Variants in MAST4 observed in about 807,000 individuals in gnomAD.
The protein encoded by MAST4 is microtubule associated serine/threonine kinase family member 4, also known as microtubule-associated serine/threonine-protein kinase 4.
A neutral mutation model predicts 162.7 loss-of-function variants in MAST4; 89 were observed. That is an observed-to-expected ratio of 0.55 (90% CI 0.46 to 0.65). The LOEUF (loss-of-function observed/expected upper bound fraction) is 0.65. MAST4 is among the 30% of genes least tolerant of loss of function. The pLI is 0.00. For missense variants in MAST4, 3,153 were observed against 3,374.0 expected (o/e 0.93, Z 1.62); for synonymous variants, 1,479 against 1,361.1 (o/e 1.09, Z -1.91).
chr5:66,822,283 G>A (rs1296602645), intron 3 of MAST4, among the ~76,000 whole-genome samples: 1 of 152,088 alleles, frequency 6.6e-6, no homozygotes, highest in Non-Finnish European at 1.5e-5. Flanking sequence ...GAGCAGCCTT[G>A]CCCTGAGTCA....
rs960485776 is a variant in MAST4, at chr5:66,596,922, G to C, written c.267G>C (p.Glu89Asp). 2 of 1,327,268 alleles carry C rather than the reference G, an allele frequency of 1.5e-6. No homozygotes were observed. Among genetic ancestry groups the C allele is most frequent in the Non-Finnish European group, 1.9e-6 (2 of 1,038,664 alleles). 82.2% of individuals were successfully genotyped at this position (1,327,268 alleles called of 1,614,324 possible). ...GGGCTCCGGCAAGCGTGCTGCTGGA[G>C]CGCGGAGTCCTTGCGCTGCCGCCGC... Reference protein sequence around the residue: ...AAWAPASVLLERGVLALPPPL... With the variant: ...AAWAPASVLLDRGVLALPPPL... The change falls in exon 1 of 29, where the codon GAG becomes GAC. Residue 89 changes from glutamate to aspartate, a missense_variant. Physicochemically the swap from Glu to Asp is conservative, Grantham distance 45 (BLOSUM62 2). Around this residue, in one of 7 missense-constraint regions of MAST4, gnomAD observed 327 missense variants for 336.5 expected, o/e 0.97. Coordinates refer to ENST00000403625, the MANE Select transcript of MAST4 (RefSeq NM_001164664.2).
chr5:67,017,150 A>T (rs1234298227), intron 4 of MAST4, among the ~76,000 whole-genome samples: 1 of 152,244 alleles, frequency 6.6e-6, no homozygotes. Context: ...ACAATTGCAT[A>T]AGAATAGACT....
intron 4 of MAST4, among the ~76,000 whole-genome samples, chr5:66,975,195 A>G (rs1486685079): frequency 6.6e-6 from 1 of 152,086 alleles, no homozygotes; most frequent in Non-Finnish European, 1.5e-5. Context: ...GCCTATTGAC[A>G]TCTTGATTTC....
chr5:66,972,956 T>C (rs901233434), intron 4 of MAST4, among the ~76,000 whole-genome samples: 1 of 152,202 alleles, frequency 6.6e-6, no homozygotes, highest in Non-Finnish European at 1.5e-5. Context: ...CCCTTCAACT[T>C]TTTTTTAAAT....
At chr5:66,832,087 G>T (rs1757641670) in intron 3 of MAST4, among the ~76,000 whole-genome samples, 3 of 152,052 alleles carry the variant, frequency 2.0e-5, no homozygotes, top group African/African-American at 7.2e-5. Context: ...GGCATCGTAA[G>T]GCAGGCATGA....
At chr5:66,746,086 A>T (rs1334063039) in intron 1 of MAST4, among the ~76,000 whole-genome samples, 1 of 152,216 alleles carries the variant, frequency 6.6e-6, no homozygotes, top group Non-Finnish European at 1.5e-5. Flanking sequence ...TCCATCTTCC[A>T]GTAAAACCAG....
chr5:66,725,589 C>G (rs1751466876), intron 1 of MAST4, among the ~76,000 whole-genome samples: 3 of 152,178 alleles, frequency 2.0e-5, no homozygotes, highest in Non-Finnish European at 4.4e-5. Context: ...TCTCTGACTT[C>G]TAAAACTTCT....
chr5:66,895,139 CA>C (rs1762600403), intron 3 of MAST4, among the ~76,000 whole-genome samples: 1 of 152,178 alleles, frequency 6.6e-6, no homozygotes, highest in Non-Finnish European at 1.5e-5. Flanking sequence ...CTATTGCCTT[CA>C]GGGGTGCGAG....
intron 3 of MAST4, among the ~76,000 whole-genome samples, chr5:66,839,584 G>A (rs540919069): frequency 5.9e-5 from 9 of 152,108 alleles, no homozygotes; most frequent in African/African-American, 1.7e-4. Flanking sequence ...TTGAAGATGT[G>A]TAGGTTTTTT....
At chr5:67,046,656 G>A (rs1241827483) in intron 4 of MAST4, among the ~76,000 whole-genome samples, 1 of 152,104 alleles carries the variant, frequency 6.6e-6, no homozygotes, top group Non-Finnish European at 1.5e-5. Context: ...ACAGAGAATT[G>A]GGCCAGATCT....
Position 67,165,736 on chromosome 5 carries a change from A to T in MAST4, c.6557A>T (p.His2186Leu), listed in dbSNP as rs56118404. Residue 2186 changes from histidine (H) to leucine (L), a missense_variant, in exon 29 of 29, where the codon CAC (histidine) becomes CTC (leucine). Coordinates refer to ENST00000403625, the MANE Select transcript of MAST4 (RefSeq NM_001164664.2). ...PQDPPKPVAAHSESSSHKPRP... is the reference protein window; with the variant it reads ...PQDPPKPVAALSESSSHKPRP... ...GACCCTCCCAAGCCTGTTGCTGCGCACAGTGAAAGCAGCAGCCACAAGCCC... is the reference window on the plus strand; with the variant it reads ...GACCCTCCCAAGCCTGTTGCTGCGCTCAGTGAAAGCAGCAGCCACAAGCCC... The T allele has an allele frequency of 0.015, 23,111 of 1,579,042 alleles. 383 individuals are homozygous for T. The highest frequency in any genetic ancestry group is 0.077 in the African/African-American group (5,671 of 73,952).
chr5:67,128,250 A>G (rs1768501562), intron 14 of MAST4, among the ~76,000 whole-genome samples: 1 of 152,146 alleles, frequency 6.6e-6, no homozygotes, highest in Admixed American at 6.5e-5. Flanking sequence ...GGCCAGCAAA[A>G]CAGGTGTGGG....
At chr5:67,101,381 G>A (rs1765010951) in intron 8 of MAST4, among the ~76,000 whole-genome samples, 2 of 152,156 alleles carry the variant, frequency 1.3e-5, no homozygotes, top group Admixed American at 6.5e-5. Context: ...TGGCACCCTG[G>A]GAAAGACTCA....
At chr5:66,981,354 T>C (rs1748798329) in intron 4 of MAST4, among the ~76,000 whole-genome samples, 1 of 152,250 alleles carries the variant, frequency 6.6e-6, no homozygotes, top group African/African-American at 2.4e-5. Context: ...GTTTCTCTAC[T>C]TTAGGAATGG....
rs1253039399 is a variant in MAST4, at chr5:66,673,461, AAAC to A, written c.363+76445_363+76447del. ...CTTATGAAGTTACCATCCCTTTCTGAAACATAACTTGCTATATATTTATCTATT... is the reference window on the plus strand; with the variant it reads ...CTTATGAAGTTACCATCCCTTTCTGAATAACTTGCTATATATTTATCTATT... On this transcript the variant is annotated intron_variant, in intron 1 of 28. Coordinates refer to ENST00000403625, the MANE Select transcript of MAST4 (RefSeq NM_001164664.2). Among the ~76,000 whole-genome samples the A allele has an allele frequency of 5.3e-5, 8 of 151,918 alleles. No individual in the cohort carries two copies. In the South Asian group the frequency reaches 8.3e-4, roughly 16 times the overall value.
At chr5:66,635,944 CTGTT>C (rs1745080918) in intron 1 of MAST4, among the ~76,000 whole-genome samples, 1 of 88,214 alleles carries the variant, frequency 1.1e-5, no homozygotes, top group East Asian at 4.0e-4. Context: ...AAGATAGAGA[CTGTT>C]TTTTTTTTTT....
chr5:66,873,605 T>A (rs1457970231), intron 3 of MAST4, among the ~76,000 whole-genome samples: 1 of 152,248 alleles, frequency 6.6e-6, no homozygotes, highest in Non-Finnish European at 1.5e-5. Context: ...GACTGGATTG[T>A]ATGTTAGGCT....
At chr5:66,818,945 G>A (rs1325395678) in intron 3 of MAST4, among the ~76,000 whole-genome samples, 1 of 152,176 alleles carries the variant, frequency 6.6e-6, no homozygotes, top group African/African-American at 2.4e-5. Flanking sequence ...TCAAGAAACT[G>A]ATGAGGATTA....
chr5:67,083,596 G>T (rs1378915961), intron 5 of MAST4, among the ~76,000 whole-genome samples: 1 of 151,862 alleles, frequency 6.6e-6, no homozygotes. Context: ...TTATGTTAAG[G>T]AATTAAATCC....
Sources: gnomAD v4.1 joint callset for allele counts (sites outside exome capture counted in the v4.1 genomes callset) on GRCh38, gnomAD v4.1.1 for gene constraint, gnomAD v4.1.1 regional missense constraint, MANE v1.5 for transcripts, NCBI Gene and HGNC (gene_info 2026-07-23, HGNC 2026-07-21) for gene names.